Variants in PCCA observed in about 807,000 individuals in gnomAD.
PCCA encodes the protein propionyl-CoA carboxylase subunit alpha.
In PCCA, 74 loss-of-function variants were observed where a neutral mutation model predicts 101.3. That is an observed-to-expected ratio of 0.73 (90% CI 0.61 to 0.89). The LOEUF (loss-of-function observed/expected upper bound fraction) is 0.89. Ranked by LOEUF, PCCA falls within the 40% of genes least tolerant of loss-of-function variation. The pLI is 0.00. For missense variants in PCCA, 891 were observed against 907.0 expected, an observed-to-expected ratio of 0.98 and a Z score of 0.23; for synonymous variants, 294 against 313.6, an observed-to-expected ratio of 0.94 and a Z score of 0.66.
chr13:100,195,301 A>G (rs2058038655), intron 6 of PCCA, among the ~76,000 whole-genome samples: 1 of 152,136 alleles, frequency 6.6e-6, no homozygotes, highest in Non-Finnish European at 1.5e-5. Context: ...AAAAACTAAA[A>G]TTTGTATCGA....
chr13:100,208,153 C>A (rs1230057349), intron 6 of PCCA, among the ~76,000 whole-genome samples: 2 of 152,118 alleles, frequency 1.3e-5, no homozygotes, highest in South Asian at 4.1e-4. Context: ...GTCATCATCT[C>A]GCCTCTTAAA....
chr13:100,154,521 G>A (rs1483062837), intron 4 of PCCA: 1 of 183,482 alleles, frequency 5.5e-6, no homozygotes, highest in African/African-American at 2.4e-5. Flanking sequence ...GTGCTGACCT[G>A]ATGCTGTGCA....
intron 19 of PCCA, among the ~76,000 whole-genome samples, chr13:100,402,360 G>T (rs1342989423): frequency 6.6e-6 from 1 of 151,858 alleles, no homozygotes; most frequent in Non-Finnish European, 1.5e-5. Flanking sequence ...GAGCCACGAT[G>T]CTTGTGTCAG....
At chr13:100,316,466 C>T (rs1566922119) in intron 16 of PCCA, among the ~76,000 whole-genome samples, 1 of 152,066 alleles carries the variant, frequency 6.6e-6, no homozygotes, top group Non-Finnish European at 1.5e-5. Context: ...CTAAAATTAA[C>T]ACCTATTTTT....
At chr13:100,264,340 C>T (rs540427691) in intron 10 of PCCA, among the ~76,000 whole-genome samples, 1 of 152,148 alleles carries the variant, frequency 6.6e-6, no homozygotes, top group Non-Finnish European at 1.5e-5. Flanking sequence ...TCTATACACA[C>T]ACATCTAATT....
intron 2 of PCCA, among the ~76,000 whole-genome samples, chr13:100,111,369 G>T (rs896703379): frequency 4.0e-5 from 6 of 151,798 alleles, no homozygotes; most frequent in Admixed American, 6.6e-5. Flanking sequence ...TACCGTGTTG[G>T]TCAGGCTGGT....
intron 7 of PCCA, among the ~76,000 whole-genome samples, chr13:100,231,854 G>A (rs1349229158): frequency 6.6e-6 from 1 of 151,978 alleles, no homozygotes; most frequent in East Asian, 1.9e-4. Flanking sequence ...TTATAGGCCT[G>A]AGTTACCATG....
intron 2 of PCCA, among the ~76,000 whole-genome samples, chr13:100,104,893 A>G (rs1309038665): frequency 1.3e-5 from 2 of 151,896 alleles, no homozygotes; most frequent in Admixed American, 6.6e-5. Context: ...TAGTAGAGAC[A>G]GGGTTTCACC....
chr13:100,409,436 G>A (rs906232506), intron 19 of PCCA, among the ~76,000 whole-genome samples: 1 of 151,860 alleles, frequency 6.6e-6, no homozygotes, highest in Non-Finnish European at 1.5e-5. Context: ...GGTGAAAAGG[G>A]AAAAAAAGGG....
At chr13:100,291,445 C>T (rs1045069462) in intron 12 of PCCA, among the ~76,000 whole-genome samples, 2 of 152,210 alleles carry the variant, frequency 1.3e-5, no homozygotes, top group East Asian at 1.9e-4. Flanking sequence ...TGCACATGCA[C>T]ATATGTGCAT....
intron 7 of PCCA, among the ~76,000 whole-genome samples, chr13:100,223,236 A>G (rs2059928252): frequency 1.3e-5 from 2 of 152,190 alleles, no homozygotes; most frequent in East Asian, 1.9e-4. Context: ...TGTGTCCGGA[A>G]TTGGTGGGTT....
At chr13:100,509,214 T>G (rs1275204046) in intron 21 of PCCA, among the ~76,000 whole-genome samples, 2 of 152,260 alleles carry the variant, frequency 1.3e-5, no homozygotes, top group African/African-American at 4.8e-5. Flanking sequence ...ACTGTTACCG[T>G]GACGCTGAGA....
intron 20 of PCCA, among the ~76,000 whole-genome samples, chr13:100,427,031 A>G (rs1179269735): frequency 6.6e-6 from 1 of 152,154 alleles, no homozygotes; most frequent in Non-Finnish European, 1.5e-5. Context: ...GCCTGGCCAA[A>G]GACAGTGAAA....
chr13:100,455,372 TC>T (rs2081627678), intron 21 of PCCA, among the ~76,000 whole-genome samples: 1 of 152,238 alleles, frequency 6.6e-6, no homozygotes, highest in Non-Finnish European at 1.5e-5. Flanking sequence ...TATCTATTAT[TC>T]TTTGCTTTTC....
At chr13:100,320,999 G>A (rs925914796) in intron 16 of PCCA, among the ~76,000 whole-genome samples, 1 of 151,980 alleles carries the variant, frequency 6.6e-6, no homozygotes, top group South Asian at 2.1e-4. Flanking sequence ...TCCTCCCTCA[G>A]CCTCCCAAAG....
chr13:100,318,818 C>T (rs982113146), intron 16 of PCCA, among the ~76,000 whole-genome samples: 1 of 152,126 alleles, frequency 6.6e-6, no homozygotes, highest in Non-Finnish European at 1.5e-5. Context: ...TTTATAGCAG[C>T]ATGATTTATA....
At chr13:100,514,883 T>C (rs190628573) in intron 21 of PCCA, among the ~76,000 whole-genome samples, 148 of 152,354 alleles carry the variant, frequency 9.7e-4, no homozygotes, top group Middle Eastern at 3.4e-3. Flanking sequence ...ATATAACATT[T>C]TCTGTCACTG....
chr13:100,368,493 C>T lies in PCCA; in HGVS notation c.1665C>T (p.Asp555=), dbSNP rs1461874924. ...TCAGAATGCCTGTTATTAAACCAGA[C>T]ATAGCCAACTGGGAGCTCTCAGTAA... is the stretch of plus-strand genomic sequence containing the variant. ...ENSRMPVIKP[D]IANWELSVKL... The change falls in exon 19 of 24, where the codon GAC becomes GAT. Residue 555 remains aspartate, a synonymous_variant. Transcript: ENST00000376285. 6.2e-7 allele frequency: 1 copy of T among 1,602,582 alleles called. No individual in the cohort carries two copies. Among genetic ancestry groups the T allele is most frequent in the South Asian group, 1.1e-5 (1 of 90,674 alleles).
chr13:100,257,642 A>G lies in PCCA; in HGVS notation c.685A>G (p.Met229Val), dbSNP rs2062162881. 2.5e-6 allele frequency: 4 copies of G among 1,613,842 alleles called. No individual in the cohort carries two copies. In the South Asian group the frequency reaches 3.3e-5, roughly 13 times the overall value. Residue 229 changes from methionine (M) to valine (V), a missense_variant, in exon 9 of 24, where the codon ATG becomes GTG. Physicochemically the swap from Met to Val is conservative, Grantham distance 21. Coordinates refer to ENST00000376285, the MANE Select transcript of PCCA (RefSeq NM_000282.4). ...CTCAGCAGGTGGTGGTGGGAAAGGC[A>G]TGCGCATTGCTTGGGATGATGAAGA... is the stretch of plus-strand genomic sequence containing the variant. Reference protein sequence around the residue: ...KASAGGGGKGMRIAWDDEETR... With the variant: ...KASAGGGGKGVRIAWDDEETR...
Sources: allele counts gnomAD v4.1 joint callset (sites outside exome capture counted in the v4.1 genomes callset), GRCh38; gene constraint gnomAD v4.1.1; transcripts MANE v1.5; gene names NCBI Gene and HGNC (gene_info 2026-07-23, HGNC 2026-07-21).